Variants in C3orf70 observed in about 807,000 individuals in gnomAD.
C3orf70 encodes UPF0524 protein C3orf70.
Under a neutral mutation model 20.7 loss-of-function variants are expected in C3orf70, and 15 were observed. The ratio of observed to expected loss-of-function variants is 0.72; its 90% CI spans 0.48 to 1.11. C3orf70 has a LOEUF of 1.11. Among genes scored for constraint, C3orf70 ranks in the 50% most tolerant of loss-of-function variants. The probability of loss-of-function intolerance (pLI) is 0.00; values close to 1 mark genes in which losing one functional copy is unlikely to be tolerated. For missense variants in C3orf70, 332 were observed against 317.6 expected (o/e 1.05, Z -0.34); for synonymous variants, 161 against 125.7 (o/e 1.28, Z -1.88).
At position 185,142,301 on chromosome 3, in the gene C3orf70, T is replaced by TA. The variant is rs554395389; in HGVS notation, c.196+10326dup. ...AGTGAAACCCCCCTCTCTACAAAAA[T>TA]AAAAAAATGAGCCAGGCATGGTGGC... On this transcript the variant is annotated intron_variant, in intron 1 of 1. Coordinates refer to ENST00000335012, the MANE Select transcript of C3orf70 (RefSeq NM_001025266.3). 2.5e-3 allele frequency among the ~76,000 whole-genome samples: 386 copies of TA among 151,748 alleles called. 1 individual carries two copies. The highest frequency in any genetic ancestry group is 9.1e-3 in the African/African-American group (375 of 41,376).
chr3:185,131,492 C>T (rs1234910324), intron 1 of C3orf70, among the ~76,000 whole-genome samples: 2 of 152,122 alleles, frequency 1.3e-5, no homozygotes, highest in Non-Finnish European at 2.9e-5. Flanking sequence ...TATTTATATT[C>T]CATGTTGTTC....
chr3:185,148,329 T>A lies in C3orf70; in HGVS notation c.196+4299A>T, dbSNP rs1716916946. On this transcript the variant is annotated intron_variant, in intron 1 of 1. Transcript: ENST00000335012. ...CAGATCCAAAACTAGATTCATGACCTTCCTCCCAATCCTAGTTACTCAGTA... is the reference window on the plus strand; with the variant it reads ...CAGATCCAAAACTAGATTCATGACCATCCTCCCAATCCTAGTTACTCAGTA... 2.0e-5 allele frequency among the ~76,000 whole-genome samples: 3 copies of A among 152,312 alleles called. No individual in the cohort carries two copies. The South Asian group carries it at 6.2e-4, about 32-fold the overall frequency.
At chr3:185,108,621 T>C (rs1396081607) in intron 1 of C3orf70, among the ~76,000 whole-genome samples, 1 of 152,248 alleles carries the variant, frequency 6.6e-6, no homozygotes, top group Non-Finnish European at 1.5e-5. Context: ...TGCTAGACAC[T>C]TTCACAATTT....
At chr3:185,114,351 T>C (rs1173141371) in intron 1 of C3orf70, among the ~76,000 whole-genome samples, 1 of 152,176 alleles carries the variant, frequency 6.6e-6, no homozygotes, top group Non-Finnish European at 1.5e-5. Flanking sequence ...TGTGAACATA[T>C]CCACACTTGG....
At chr3:185,133,136 A>G (rs1716555765) in intron 1 of C3orf70, among the ~76,000 whole-genome samples, 1 of 152,224 alleles carries the variant, frequency 6.6e-6, no homozygotes, top group East Asian at 1.9e-4. Flanking sequence ...TTTCTCACTT[A>G]TAATCATTGG....
At chr3:185,137,981 T>C (rs1716661749) in intron 1 of C3orf70, among the ~76,000 whole-genome samples, 1 of 152,072 alleles carries the variant, frequency 6.6e-6, no homozygotes, top group African/African-American at 2.4e-5. Context: ...AAAAGGTCAA[T>C]GAAGCTAACA....
intron 1 of C3orf70, among the ~76,000 whole-genome samples, chr3:185,095,628 G>T (rs1421480911): frequency 6.6e-6 from 1 of 151,770 alleles, no homozygotes; most frequent in African/African-American, 2.4e-5. Context: ...ATGTTTACTG[G>T]TTTTTTAAAA....
At chr3:185,097,963 T>A (rs907230314) in intron 1 of C3orf70, among the ~76,000 whole-genome samples, 3 of 152,166 alleles carry the variant, frequency 2.0e-5, no homozygotes, top group Non-Finnish European at 4.4e-5. Context: ...TGAGATTGGG[T>A]AATATGACAA....
chr3:185,087,091 A>G (rs1577317178), intron 1 of C3orf70, among the ~76,000 whole-genome samples: 1 of 152,236 alleles, frequency 6.6e-6, no homozygotes, highest in African/African-American at 2.4e-5. Context: ...TAAAATGAAC[A>G]CACTTCTTCA....
chr3:185,079,867 A>C lies in C3orf70; in HGVS notation c.*3140T>G, dbSNP rs759710511. 3 of 152,692 alleles carry C rather than the reference A, an allele frequency of 2.0e-5. No individual in the cohort carries two copies. Among genetic ancestry groups the C allele is most frequent in the Non-Finnish European group, 4.4e-5 (3 of 68,042 alleles). 9.5% of individuals were successfully genotyped at this position (152,692 alleles called of 1,614,324 possible). ...TCAGTGTGCAAGTGTTAACCACTTC[A>C]TGTGACTGAGTTCAATGTTATAGTG... On this transcript the variant is annotated 3_prime_UTR_variant, in exon 2 of 2. Transcript: ENST00000335012.
At chr3:185,115,298 C>T (rs755967306) in intron 1 of C3orf70, among the ~76,000 whole-genome samples, 3 of 152,092 alleles carry the variant, frequency 2.0e-5, no homozygotes, top group Non-Finnish European at 2.9e-5. Flanking sequence ...TACTGGTTAA[C>T]TGATGGACAG....
chr3:185,113,841 C>A (rs1716124636), intron 1 of C3orf70, among the ~76,000 whole-genome samples: 1 of 152,194 alleles, frequency 6.6e-6, no homozygotes, highest in South Asian at 2.1e-4. Flanking sequence ...GAGTCAGAAT[C>A]TGTAACAATT....
At chr3:185,120,254 C>A in intron 1 of C3orf70, among the ~76,000 whole-genome samples, 1 of 152,098 alleles carries the variant, frequency 6.6e-6, no homozygotes, top group East Asian at 1.9e-4. Context: ...TTTGGTCATT[C>A]AACAAATATG....
rs1715246418 is a variant in C3orf70, at chr3:185,078,413, C to T, written c.*4594G>A. 1 of 152,212 alleles carries T rather than the reference C, an allele frequency of 6.6e-6. No individual in the cohort carries two copies. The highest frequency in any genetic ancestry group is 2.4e-5 in the African/African-American group (1 of 41,442). 9.4% of individuals were successfully genotyped at this position (152,212 alleles called of 1,614,324 possible). A position where few individuals can be genotyped will look rare whatever the true frequency, so the allele number is the denominator to read the frequency against. ...ACTGAAACATGGCCTTTTCCTAGAA[C>T]AGCTAACTCTCAGTTATCTACAGTA... On this transcript the variant is annotated 3_prime_UTR_variant, in exon 2 of 2. Coordinates refer to ENST00000335012, the MANE Select transcript of C3orf70 (RefSeq NM_001025266.3).
chr3:185,091,488 G>C (rs1715568824), intron 1 of C3orf70, among the ~76,000 whole-genome samples: 1 of 152,084 alleles, frequency 6.6e-6, no homozygotes, highest in Admixed American at 6.5e-5. Flanking sequence ...TGGTAAATGT[G>C]TGCTGATGGA....
intron 1 of C3orf70, among the ~76,000 whole-genome samples, chr3:185,144,687 G>A (rs956049610): frequency 4.7e-5 from 7 of 147,714 alleles, no homozygotes; most frequent in Admixed American, 1.4e-4. Context: ...GGCCAGGCTG[G>A]TCTTGAACTC....
chr3:185,101,476 T>G (rs901441719), intron 1 of C3orf70, among the ~76,000 whole-genome samples: 8 of 152,196 alleles, frequency 5.3e-5, no homozygotes, highest in African/African-American at 1.7e-4. Context: ...TGCACTACTA[T>G]AGAGAACTAC....
chr3:185,137,468 C>T (rs955920303), intron 1 of C3orf70, among the ~76,000 whole-genome samples: 36 of 152,268 alleles, frequency 2.4e-4, no homozygotes, highest in Non-Finnish European at 5.0e-4. Context: ...ATTTATAGAG[C>T]ACTTCATCCA....
chr3:185,151,665 AT>A (rs35826045), intron 1 of C3orf70, among the ~76,000 whole-genome samples: 10,732 of 152,260 alleles, frequency 0.07, 423 homozygotes, highest in South Asian at 0.1. Flanking sequence ...GTTGTCAGCT[AT>A]TTTTTTCTCA....
Sources: gnomAD v4.1 joint callset for allele counts (sites outside exome capture counted in the v4.1 genomes callset) on GRCh38, gnomAD v4.1.1 for gene constraint, MANE v1.5 for transcripts, NCBI Gene and HGNC (gene_info 2026-07-23, HGNC 2026-07-21) for gene names.